The following HLA-DRB5 variants were observed in gnomAD, a reference collection of about 807,000 sequenced individuals.
HLA-DRB5 encodes the protein DR beta-5.
HLA-DRB5 carries 11 observed loss-of-function variants against 22.4 expected under a neutral mutation model. The observed-to-expected ratio is 0.49, with a 90% CI of 0.31 to 0.81. The LOEUF is 0.81. Among genes scored for constraint, HLA-DRB5 ranks in the 40% least tolerant of loss-of-function variants. The probability of loss-of-function intolerance (pLI) is 0.05; values close to 1 mark genes in which losing one functional copy is unlikely to be tolerated. For synonymous variants in HLA-DRB5, 57 were observed against 106.0 expected (o/e 0.54, Z 2.84); for missense variants, 106 against 274.4 (o/e 0.39, Z 4.34).
At chr6:32,523,056 C>T (rs1769142907) in intron 1 of HLA-DRB5, among the ~76,000 whole-genome samples, 1 of 128,950 alleles carries the variant, frequency 7.8e-6, no homozygotes, top group Non-Finnish European at 1.7e-5. Flanking sequence ...CACAAGAAGC[C>T]AGGTATTGAA....
At chr6:32,529,182 C>CTTATGAGACATGAACAATGTCCACATTGT (rs1475482665) in intron 1 of HLA-DRB5, among the ~76,000 whole-genome samples, 7 of 134,938 alleles carry the variant, frequency 5.2e-5, no homozygotes, top group Non-Finnish European at 6.4e-5. Context: ...AACTTTCAGC[C>CTTATGAGACATGAACAATGTCCACATTGT]CTATGAGATG....
At chr6:32,530,025 A>C in intron 1 of HLA-DRB5, 100 bp downstream of exon 1, 1 of 603,834 alleles carries the variant, frequency 1.7e-6, no homozygotes, top group East Asian at 3.5e-5. Context: ...TCTGAAGAAA[A>C]TGTCACAATT....
chr6:32,520,421 C>CT (rs1768690811), intron 2 of HLA-DRB5, among the ~76,000 whole-genome samples: 3 of 75,730 alleles, frequency 4.0e-5, no homozygotes, highest in Non-Finnish European at 2.7e-5. Context: ...CTTTAAGTTC[C>CT]CAGCAAAGCA....
rs200744795 is a variant in HLA-DRB5, at chr6:32,530,209, G to A, written c.16C>T (p.Leu6Phe). ...TTTGCCATGTAGGAACCTCCAGGGA[G>A]CTTCAGACACACCATGCTGGAGAAC... MVCLK[L>F]PGGSYMAKLT... The change falls in exon 1 of 6, where the codon CTC becomes TTC. Residue 6 changes from leucine (L) to phenylalanine (F), a missense_variant. By Grantham distance (22) the Leu-to-Phe change is conservative. Coordinates refer to ENST00000374975, the MANE Select transcript of HLA-DRB5 (RefSeq NM_002125.4). 0.084 allele frequency: 107,336 copies of A among 1,278,884 alleles called. 92 individuals carry two copies. Among genetic ancestry groups the A allele is most frequent in the Admixed American group, 0.14 (6,540 of 47,916 alleles). The allele number at this position is 1,278,884 out of a possible 1,614,324, so 79.2% of individuals were successfully genotyped here. A position where few individuals can be genotyped will look rare whatever the true frequency, so the allele number is the denominator to read the frequency against.
In HLA-DRB5 at chr6:32,522,176, T is replaced by A; in HGVS notation, c.101-2A>T. On this transcript the variant is annotated splice_acceptor_variant, in intron 1 of 5. Coordinates refer to ENST00000374975, the MANE Select transcript of HLA-DRB5 (RefSeq NM_002125.4). LOFTEE classifies it high-confidence loss of function. ...ACTTATCCTGCTGCAAGAAACGTGC[T>A]GTGGGGACACGAAGGATCCGGTCAC... 1 of 859,974 alleles carries A rather than the reference T, an allele frequency of 1.2e-6. No homozygotes were observed. Among genetic ancestry groups the A allele is most frequent in the Non-Finnish European group, 1.7e-6 (1 of 583,014 alleles). 53.3% of individuals were successfully genotyped at this position (859,974 alleles called of 1,614,324 possible). A position where few individuals can be genotyped will look rare whatever the true frequency, so the allele number is the denominator to read the frequency against.
intron 1 of HLA-DRB5, among the ~76,000 whole-genome samples, chr6:32,524,317 A>G (rs1769321188): frequency 8.1e-6 from 1 of 123,906 alleles, no homozygotes; most frequent in African/African-American, 3.2e-5. Context: ...TGTCTTTCAT[A>G]TCATCTTCTT....
intron 4 of HLA-DRB5, among the ~76,000 whole-genome samples, chr6:32,518,351 C>T (rs186819860): frequency 0.02 from 649 of 32,090 alleles, 271 homozygotes; most frequent in Non-Finnish European, 0.028. Context: ...TAACCTTTCT[C>T]TTATCTCTGC....
intron 1 of HLA-DRB5, among the ~76,000 whole-genome samples, chr6:32,525,469 A>G (rs145470632): frequency 2.8e-3 from 247 of 87,086 alleles, no homozygotes; most frequent in Middle Eastern, 0.02. Context: ...TGATTTTGCA[A>G]TTGTCTTCTG....
At chr6:32,520,847 A>C (rs145980027) in intron 2 of HLA-DRB5, among the ~76,000 whole-genome samples, 773 of 49,760 alleles carry the variant, frequency 0.016, 24 homozygotes, top group African/African-American at 0.02. Flanking sequence ...AAAACTGGAG[A>C]AAATGTGGAA....
At chr6:32,521,856 C>A in intron 2 of HLA-DRB5, 49 bp downstream of exon 2, 1 of 981,478 alleles carries the variant, frequency 1.0e-6, no homozygotes, top group Non-Finnish European at 1.5e-6. Context: ...CACACACACT[C>A]AGATTCCCAG....
rs1136778 is a variant in HLA-DRB5 at position 32,521,934 on chromosome 6, A to G, written c.341T>C (p.Val114Ala). The G allele has an allele frequency of 0.014, 21,350 of 1,493,526 alleles. 398 individuals carry two copies. The highest frequency in any genetic ancestry group is 0.064 in the East Asian group (2,625 of 41,188). The allele number at this position is 1,493,526 out of a possible 1,614,324, so 92.5% of individuals were successfully genotyped here. A position where few individuals can be genotyped will look rare whatever the true frequency, so the allele number is the denominator to read the frequency against. The stretch of plus-strand genomic sequence containing the variant: ...CCGCTGCACTGTGAAGCTCTCACCA[A>G]CCCCGTAGTTGTGTCTGCAGTAGGT... ...VDTYCRHNYG[V>A]GESFTVQRRV... Residue 114 changes from valine to alanine, a missense_variant, in exon 2 of 6, where the codon GTT (valine) becomes GCT (alanine). Val to Ala is a moderately conservative substitution (Grantham distance 64, BLOSUM62 0). Coordinates refer to ENST00000374975, the MANE Select transcript of HLA-DRB5 (RefSeq NM_002125.4).
chr6:32,519,756 A>C, intron 2 of HLA-DRB5, 105 bp from the exon 3 acceptor site: 1 of 486,894 alleles, frequency 2.1e-6, no homozygotes, highest in Non-Finnish European at 3.2e-6. Flanking sequence ...GGCCTTGACC[A>C]GGCCTCCAGC....
rs1321411031 is a variant in HLA-DRB5 at position 32,523,611 on chromosome 6, T to C, written c.101-1437A>G. Among the ~76,000 whole-genome samples, 51 of 79,990 alleles carry C rather than the reference T, an allele frequency of 6.4e-4. No homozygotes were observed. The East Asian group carries it at 0.011, about 16-fold the overall frequency. The allele number at this position is 79,990 out of a possible 152,430, so 52.5% of individuals were successfully genotyped here. ...GCAAGTTGTTGAAAGTTAATAGAGG[T>C]AGTGCTGACCAACAACTCATGAAAA... On this transcript the variant is annotated intron_variant, in intron 1 of 5. Coordinates refer to ENST00000374975, the MANE Select transcript of HLA-DRB5 (RefSeq NM_002125.4).
intron 1 of HLA-DRB5, among the ~76,000 whole-genome samples, chr6:32,522,643 A>G (rs528723549): frequency 0.14 from 5,326 of 36,778 alleles, 1,289 homozygotes; most frequent in Middle Eastern, 0.31. Context: ...GAATCCAAAC[A>G]CGGGAAAACA....
At chr6:32,526,423 CTA>C (rs1326454988) in intron 1 of HLA-DRB5, among the ~76,000 whole-genome samples, 689 of 50,620 alleles carry the variant, frequency 0.014, 337 homozygotes, top group Non-Finnish European at 0.017. Flanking sequence ...GACAATCTCC[CTA>C]TGTAACCTCT....
intron 1 of HLA-DRB5, among the ~76,000 whole-genome samples, chr6:32,528,435 T>A: frequency 1.4e-5 from 1 of 73,158 alleles, no homozygotes; most frequent in African/African-American, 5.2e-5. Flanking sequence ...CTGTGGTTTA[T>A]ATTAATAAAC....
chr6:32,528,320 C>T (rs148728069), intron 1 of HLA-DRB5, among the ~76,000 whole-genome samples: 70,019 of 101,084 alleles, frequency 0.69, 21,903 homozygotes, highest in Middle Eastern at 0.76. Context: ...CTGTCTCCTC[C>T]ACTCTTGTGT....
At position 32,518,945 on chromosome 6, in the gene HLA-DRB5, CT is replaced by C. The variant is rs1206857412; in HGVS notation, c.653-280del. On this transcript the variant is annotated intron_variant, in intron 3 of 5. Transcript: ENST00000374975. ...GACTCAATGAGGTTAAATAGTTTGT[CT>C]AGAGTGACAGAGCTAATAAAAGGCA... 2.3e-5 allele frequency among the ~76,000 whole-genome samples: 2 copies of C among 85,770 alleles called. 1 individual carries two copies. The highest frequency in any genetic ancestry group is 8.3e-5 in the African/African-American group (2 of 24,134). 56.3% of individuals were successfully genotyped at this position (85,770 alleles called of 152,430 possible).
chr6:32,523,597 A>G (rs1186501676), intron 1 of HLA-DRB5, among the ~76,000 whole-genome samples: 3,679 of 61,032 alleles, frequency 0.06, 8 homozygotes, highest in East Asian at 0.07. Flanking sequence ...CAAGTTGTTG[A>G]AAGTTAATAG....
Sources: allele counts gnomAD v4.1 joint callset (sites outside exome capture counted in the v4.1 genomes callset), GRCh38; gene constraint gnomAD v4.1.1; transcripts MANE v1.5; gene names NCBI Gene and HGNC (gene_info 2026-07-23, HGNC 2026-07-21).